Variants in CHST13 observed in about 807,000 individuals in gnomAD.
The protein encoded by CHST13 is carbohydrate sulfotransferase 13.
CHST13 carries 1 observed loss-of-function variant against 7.0 expected under a neutral mutation model. The ratio of observed to expected loss-of-function variants is 0.14; its 90% CI spans 0.05 to 0.68. The LOEUF (loss-of-function observed/expected upper bound fraction) is 0.68. Ranked by LOEUF, CHST13 falls within the 30% of genes least tolerant of loss-of-function variation. The probability of loss-of-function intolerance (pLI) is 0.82; values close to 1 mark genes in which losing one functional copy is unlikely to be tolerated. For missense variants in CHST13, 572 were observed against 507.9 expected (o/e 1.13, Z -1.21); for synonymous variants, 257 against 240.9 (o/e 1.07, Z -0.62).
In CHST13 at chr3:126,542,073, G is replaced by C. The variant is rs1406836914; in HGVS notation, c.521G>C (p.Arg174Pro). The C allele has an allele frequency of 1.9e-6, 3 of 1,584,144 alleles. No individual in the cohort carries two copies. The highest frequency in any genetic ancestry group is 2.6e-6 in the Non-Finnish European group (3 of 1,169,576). ...GCCTACTTGGCCTTCCTGTTCGTGC[G>C]GGAGCCCTTCGAGCGCCTGGCATCG... ...LRAYLAFLFV[R>P]EPFERLASAY... The change falls in exon 3 of 3, where the codon CGG becomes CCG. Residue 174 changes from arginine to proline, a missense_variant. Transcript: ENST00000319340.
rs139584851 is a variant in CHST13, at chr3:126,529,518, G to A, written c.97+5089G>A. The stretch of plus-strand genomic sequence containing the variant: ...CACAGCAAGGAAGCTGTGAGGCCTC[G>A]GGCAAGTTTCTTTGCCTCAGTTTCC... On this transcript the variant is annotated intron_variant, in intron 1 of 2. Coordinates refer to ENST00000319340, the MANE Select transcript of CHST13 (RefSeq NM_152889.3). 12 of 600,894 alleles carry A rather than the reference G, an allele frequency of 2.0e-5. No individual in the cohort carries two copies. The East Asian group carries it at 5.5e-4, about 27-fold the overall frequency. The allele number at this position is 600,894 out of a possible 1,614,324, so 37.2% of individuals were successfully genotyped here.
At chr3:126,526,232 CT>C (rs1448982499) in intron 1 of CHST13, among the ~76,000 whole-genome samples, 97 of 152,344 alleles carry the variant, frequency 6.4e-4, no homozygotes, top group East Asian at 7.7e-4. Flanking sequence ...TGAGACTATG[CT>C]TGTGGGCCTG....
rs1253289018 is a variant in CHST13, at chr3:126,543,254, T to C, written c.*676T>C. Reference sequence around the variant, plus strand: ...TATGGGACTTTGGTGAGCTGGGCGGTCATGGTTTTGAAATAAATGTATTTT... The same window carrying C: ...TATGGGACTTTGGTGAGCTGGGCGGCCATGGTTTTGAAATAAATGTATTTT... On this transcript the variant is annotated 3_prime_UTR_variant, in exon 3 of 3. Transcript: ENST00000319340. 1 of 152,198 alleles carries C rather than the reference T, an allele frequency of 6.6e-6. No homozygotes were observed. Among genetic ancestry groups the C allele is most frequent in the Non-Finnish European group, 1.5e-5 (1 of 68,050 alleles). The allele number at this position is 152,198 out of a possible 1,614,324, so 9.4% of individuals were successfully genotyped here.
At chr3:126,539,817 AAC>A (rs1936902497) in intron 2 of CHST13, among the ~76,000 whole-genome samples, 1 of 3,716 alleles carries the variant, frequency 2.7e-4, no homozygotes, top group African/African-American at 1.5e-3. Flanking sequence ...ACACACCACA[AAC>A]ACACATACCA....
At chr3:126,529,307 G>C (rs1275254002) in intron 1 of CHST13, 2 of 1,289,064 alleles carry the variant, frequency 1.6e-6, no homozygotes, top group Non-Finnish European at 1.0e-6. Flanking sequence ...GCCTTGAGCA[G>C]CTCTCTCTGC....
At chr3:126,524,533 C>T in intron 1 of CHST13, 104 bp downstream of exon 1, 1 of 385,874 alleles carries the variant, frequency 2.6e-6, no homozygotes, top group East Asian at 4.1e-5. Flanking sequence ...CCTGTTGTCT[C>T]CTTCCTGGCT....
intron 1 of CHST13, chr3:126,529,448 T>G (rs1231057843): frequency 1.5e-4 from 183 of 1,228,842 alleles, no homozygotes; most frequent in Non-Finnish European, 1.9e-4. Context: ...GTGTTAAGGG[T>G]GCAGATGCTG....
At position 126,528,955 on chromosome 3, in the gene CHST13, G is replaced by A. The variant is rs758467660; in HGVS notation, c.97+4526G>A. ...CAGGACAGAGGCCCTCGGAGGCCAC[G>A]TGGGAACCTATGCCTGCTGGCAGGA... On this transcript the variant is annotated intron_variant, in intron 1 of 2. Coordinates refer to ENST00000319340, the MANE Select transcript of CHST13 (RefSeq NM_152889.3). Among the ~76,000 whole-genome samples, 19 of 152,366 alleles carry A rather than the reference G, an allele frequency of 1.2e-4. No individual in the cohort carries two copies. In the South Asian group the frequency reaches 1.4e-3, roughly 12 times the overall value.
Position 126,542,313 on chromosome 3 carries a change from G to A in CHST13, c.761G>A (p.Cys254Tyr). 1 of 1,568,536 alleles carries A rather than the reference G, an allele frequency of 6.4e-7. No individual in the cohort carries two copies. The highest frequency in any genetic ancestry group is 8.6e-7 in the Non-Finnish European group (1 of 1,160,898). The change falls in exon 3 of 3, where the codon TGC becomes TAC. Residue 254 changes from cysteine to tyrosine, a missense_variant. By Grantham distance (194) the Cys-to-Tyr change is radical. Coordinates refer to ENST00000319340, the MANE Select transcript of CHST13 (RefSeq NM_152889.3). Reference sequence around the variant, plus strand: ...CACTGGGAGCGCGCGCACGCGCTCTGCCACCCGTGTCGCCTCCGCTACGAC... The same window carrying A: ...CACTGGGAGCGCGCGCACGCGCTCTACCACCCGTGTCGCCTCCGCTACGAC... ...NEHWERAHAL[C>Y]HPCRLRYDVV... is the part of the protein sequence containing the mutation.
At chr3:126,536,558 A>C (rs552065314) in intron 2 of CHST13, among the ~76,000 whole-genome samples, 26 of 152,162 alleles carry the variant, frequency 1.7e-4, no homozygotes, top group African/African-American at 6.3e-4. Flanking sequence ...CTACCCACCT[A>C]TCTTCCCATC....
chr3:126,539,559 GCACA>G (rs1033518913), intron 2 of CHST13, among the ~76,000 whole-genome samples: 2 of 67,988 alleles, frequency 2.9e-5, no homozygotes, highest in Non-Finnish European at 5.8e-5. Flanking sequence ...CACACACACT[GCACA>G]CACACACACA....
At chr3:126,538,669 G>A (rs572555350) in intron 2 of CHST13, among the ~76,000 whole-genome samples, 8 of 152,282 alleles carry the variant, frequency 5.3e-5, no homozygotes, top group Non-Finnish European at 1.0e-4. Context: ...TGTGGGCCCC[G>A]GGGGCACAGC....
intron 1 of CHST13, among the ~76,000 whole-genome samples, chr3:126,525,273 T>A (rs550167601): frequency 7.1e-4 from 108 of 152,142 alleles, no homozygotes; most frequent in African/African-American, 2.4e-3. Flanking sequence ...GCTCTGAGAA[T>A]CCTGGGCCCC....
At chr3:126,535,131 A>C in intron 1 of CHST13, among the ~76,000 whole-genome samples, 1 of 118,706 alleles carries the variant, frequency 8.4e-6, no homozygotes, top group Admixed American at 9.1e-5. Flanking sequence ...CTGGAGACAG[A>C]CAGACAGCAT....
In CHST13 at chr3:126,536,265, C is replaced by A; in HGVS notation, c.98-6C>A. 1 of 1,613,070 alleles carries A rather than the reference C, an allele frequency of 6.2e-7. No individual in the cohort carries two copies. Among genetic ancestry groups the A allele is most frequent in the Non-Finnish European group, 8.5e-7 (1 of 1,179,270 alleles). On this transcript the variant is annotated splice_region_variant and splice_polypyrimidine_tract_variant and intron_variant, in intron 1 of 2. Coordinates refer to ENST00000319340, the MANE Select transcript of CHST13 (RefSeq NM_152889.3). ...GGTGGCGACATCTCTCTCCTTATGC[C>A]CACAGCATTTGGAAACAGAGCCCTG...
intron 2 of CHST13, among the ~76,000 whole-genome samples, chr3:126,539,083 T>C (rs1451745536): frequency 6.6e-6 from 1 of 152,112 alleles, no homozygotes; most frequent in Non-Finnish European, 1.5e-5. Flanking sequence ...GGCATGTATG[T>C]CCTATGTCTG....
intron 1 of CHST13, among the ~76,000 whole-genome samples, chr3:126,531,009 G>A (rs113026099): frequency 5.3e-5 from 8 of 152,258 alleles, no homozygotes; most frequent in Non-Finnish European, 1.0e-4. Context: ...TGGACAATGG[G>A]CTTTAGGGTT....
chr3:126,530,732 T>C (rs1161358570), intron 1 of CHST13, among the ~76,000 whole-genome samples: 5 of 152,264 alleles, frequency 3.3e-5, no homozygotes, highest in African/African-American at 1.2e-4. Flanking sequence ...GCTCCTTTTC[T>C]GATGACGGTG....
At position 126,542,126 on chromosome 3, in the gene CHST13, T is replaced by C; in HGVS notation, c.574T>C (p.Tyr192His). 6.4e-7 allele frequency: 1 copy of C among 1,570,452 alleles called. No homozygotes were observed. Among genetic ancestry groups the C allele is most frequent in the Non-Finnish European group, 8.6e-7 (1 of 1,162,994 alleles). ...TTACCGCAACAAGCTCGCGCGCCCC[T>C]ACAGCGCCGCCTTCCAGAGGCGCTA... Reference protein sequence around the residue: ...SAYRNKLARPYSAAFQRRYGA... With the variant: ...SAYRNKLARPHSAAFQRRYGA... Residue 192 changes from tyrosine to histidine, a missense_variant, in exon 3 of 3, where the codon TAC becomes CAC. By Grantham distance (83) the Tyr-to-His change is moderately conservative. Coordinates refer to ENST00000319340, the MANE Select transcript of CHST13 (RefSeq NM_152889.3).
Sources: allele counts gnomAD v4.1 joint callset (sites outside exome capture counted in the v4.1 genomes callset), GRCh38; gene constraint gnomAD v4.1.1; transcripts MANE v1.5; gene names NCBI Gene and HGNC (gene_info 2026-07-23, HGNC 2026-07-21).